The following OR2L13 variants were observed in gnomAD, a reference collection of about 807,000 sequenced individuals.
The protein encoded by OR2L13 is olfactory receptor 2L13.
OR2L13 carries 14 observed loss-of-function variants against 15.3 expected under a neutral mutation model. That is an observed-to-expected ratio of 0.91 (90% CI 0.60 to 1.43). The LOEUF (loss-of-function observed/expected upper bound fraction) is 1.43, where lower values mean the gene tolerates loss of function less well. Ranked by LOEUF, OR2L13 falls within the 40% of genes most tolerant of loss-of-function variation. The probability of loss-of-function intolerance (pLI) is 0.00; values close to 1 mark genes in which losing one functional copy is unlikely to be tolerated. For missense variants in OR2L13, 367 were observed against 387.9 expected, an observed-to-expected ratio of 0.95 and a Z score of 0.45; for synonymous variants, 152 against 142.9, an observed-to-expected ratio of 1.06 and a Z score of -0.45.
upstream of OR2L13, among the ~76,000 whole-genome samples, chr1:248,094,036 T>C (rs1664662074): frequency 6.6e-6 from 1 of 152,124 alleles, no homozygotes. Context: ...CAATAATTTA[T>C]TGTATATTTC....
At chr1:248,028,159 A>C in the OR2L13 span, among the ~76,000 whole-genome samples, 1 of 150,892 alleles carries the variant, frequency 6.6e-6, no homozygotes, top group Non-Finnish European at 1.5e-5. Context: ...AAAAAAAAAA[A>C]AAAAAAAAAA....
At chr1:248,068,375 C>T in the OR2L13 span, among the ~76,000 whole-genome samples, 5 of 152,078 alleles carry the variant, frequency 3.3e-5, 1 homozygote, top group South Asian at 6.2e-4. Context: ...GCTGCTGGTA[C>T]CCAGGCAAAC....
At chr1:248,092,094 T>A (rs1272558131), upstream of OR2L13, among the ~76,000 whole-genome samples, 1 of 152,170 alleles carries the variant, frequency 6.6e-6, no homozygotes, top group Non-Finnish European at 1.5e-5. Flanking sequence ...TATTGGTGTA[T>A]AGAAATGACA....
chr1:247,980,882 C>T, the OR2L13 span: 2 of 152,270 alleles, frequency 1.3e-5, no homozygotes, highest in Middle Eastern at 3.4e-3. Context: ...GCCTGTACGA[C>T]TCCTCACAGC....
At chr1:248,028,486 A>G in the OR2L13 span, among the ~76,000 whole-genome samples, 1 of 152,258 alleles carries the variant, frequency 6.6e-6, no homozygotes, top group African/African-American at 2.4e-5. Flanking sequence ...ATGATTATGC[A>G]TTTAAAAATC....
the OR2L13 span, among the ~76,000 whole-genome samples, chr1:247,944,691 C>G: frequency 1.6e-4 from 25 of 152,262 alleles, no homozygotes; most frequent in Admixed American, 5.2e-4. Context: ...ACCACAATTT[C>G]TTTATCCAGT....
At chr1:248,000,689 CT>C in the OR2L13 span, among the ~76,000 whole-genome samples, 1 of 151,314 alleles carries the variant, frequency 6.6e-6, no homozygotes, top group African/African-American at 2.4e-5. Flanking sequence ...AGTAGGGAAA[CT>C]TTTACATTGG....
chr1:247,950,870 C>T, the OR2L13 span, among the ~76,000 whole-genome samples: 1 of 151,942 alleles, frequency 6.6e-6, no homozygotes, highest in Admixed American at 6.6e-5. Context: ...AACAATAATT[C>T]ATTGTAGAAT....
the OR2L13 span, among the ~76,000 whole-genome samples, chr1:247,996,011 CAT>C: frequency 6.6e-6 from 1 of 152,200 alleles, no homozygotes; most frequent in Non-Finnish European, 1.5e-5. Flanking sequence ...GCAATCCCCA[CAT>C]GTTAGCTCAT....
the OR2L13 span, among the ~76,000 whole-genome samples, chr1:247,989,517 G>A: frequency 6.6e-6 from 1 of 152,070 alleles, no homozygotes; most frequent in Non-Finnish European, 1.5e-5. Flanking sequence ...AGTTTTAAGA[G>A]AAATGTTTTT....
chr1:247,988,401 A>G, the OR2L13 span, among the ~76,000 whole-genome samples: 1 of 150,846 alleles, frequency 6.6e-6, no homozygotes, highest in Non-Finnish European at 1.5e-5. Context: ...TTTTACATAG[A>G]TAATGATATT....
At chr1:247,983,901 C>T in the OR2L13 span, among the ~76,000 whole-genome samples, 2 of 152,172 alleles carry the variant, frequency 1.3e-5, no homozygotes, top group African/African-American at 4.8e-5. Flanking sequence ...GGGCAGTAGG[C>T]AGGGTCTTTT....
the OR2L13 span, among the ~76,000 whole-genome samples, chr1:248,064,329 C>T: frequency 6.6e-6 from 1 of 152,148 alleles, no homozygotes; most frequent in East Asian, 1.9e-4. Flanking sequence ...ACAGATGGTG[C>T]CATCTAGGGT....
At chr1:248,072,941 A>G in the OR2L13 span, among the ~76,000 whole-genome samples, 2 of 152,176 alleles carry the variant, frequency 1.3e-5, no homozygotes, top group Non-Finnish European at 2.9e-5. Context: ...ATCTCACACC[A>G]GTTAGAATGG....
At chr1:247,984,745 T>C in the OR2L13 span, among the ~76,000 whole-genome samples, 3 of 152,194 alleles carry the variant, frequency 2.0e-5, no homozygotes, top group African/African-American at 4.8e-5. Flanking sequence ...TAAGGTAAAC[T>C]GCACCATTTT....
the OR2L13 span, among the ~76,000 whole-genome samples, chr1:248,036,717 C>G: frequency 6.6e-6 from 1 of 152,152 alleles, no homozygotes; most frequent in Admixed American, 6.5e-5. Flanking sequence ...GAAGAATACT[C>G]GAACCACCTC....
At chr1:247,948,072 G>A in the OR2L13 span, among the ~76,000 whole-genome samples, 2 of 152,064 alleles carry the variant, frequency 1.3e-5, no homozygotes, top group Admixed American at 6.6e-5. Context: ...AGTTAACTAG[G>A]CATTGTGGCA....
At chr1:247,988,542 G>A in the OR2L13 span, among the ~76,000 whole-genome samples, 1 of 152,104 alleles carries the variant, frequency 6.6e-6, no homozygotes, top group Admixed American at 6.5e-5. Context: ...GTGTATTGAT[G>A]TTTAAGTGAG....
chr1:248,083,885 G>A, the OR2L13 span: 6 of 1,610,706 alleles, frequency 3.7e-6, no homozygotes, highest in Non-Finnish European at 5.1e-6. Context: ...AAGAGCAGGT[G>A]GCGAAGGCCT....
Sources: gnomAD v4.1 joint callset for allele counts (sites outside exome capture counted in the v4.1 genomes callset) on GRCh38, gnomAD v4.1.1 for gene constraint, MANE v1.5 for transcripts, NCBI Gene and HGNC (gene_info 2026-07-23, HGNC 2026-07-21) for gene names.